The following RIOK1 variants were observed in gnomAD, a reference collection of about 807,000 sequenced individuals.
RIOK1 encodes serine/threonine-protein kinase RIO1.
RIOK1 carries 66 observed loss-of-function variants against 73.5 expected under a neutral mutation model. The observed-to-expected ratio is 0.90, with a 90% CI of 0.74 to 1.10. RIOK1 has a LOEUF of 1.10. RIOK1 is among the 50% of genes least tolerant of loss of function. The pLI is 0.00. For missense variants in RIOK1, 658 were observed against 699.8 expected, an observed-to-expected ratio of 0.94 and a Z score of 0.67; for synonymous variants, 224 against 226.8, an observed-to-expected ratio of 0.99 and a Z score of 0.11.
At chr6:7,403,207 G>C (rs900159742) in intron 8 of RIOK1, among the ~76,000 whole-genome samples, 2 of 152,166 alleles carry the variant, frequency 1.3e-5, no homozygotes, top group Non-Finnish European at 2.9e-5. Context: ...TTATACTGAG[G>C]ATAATAAGGA....
rs1308513867 is a variant in RIOK1, at chr6:7,405,239, C to G, written c.1097-10C>G. 4 of 1,572,780 alleles carry G rather than the reference C, an allele frequency of 2.5e-6. No individual in the cohort carries two copies. The highest frequency in any genetic ancestry group is 3.5e-6 in the Non-Finnish European group (4 of 1,144,894). ...ATAAAAGCTGTCATTAACGTTTTTCCTTCTGACAGATTTCTTTATGAGGCA... is the reference window on the plus strand; with the variant it reads ...ATAAAAGCTGTCATTAACGTTTTTCGTTCTGACAGATTTCTTTATGAGGCA... On this transcript the variant is annotated splice_polypyrimidine_tract_variant and intron_variant, in intron 11 of 16. Transcript: ENST00000379834.
intron 16 of RIOK1, among the ~76,000 whole-genome samples, chr6:7,416,306 T>C (rs1195687819): frequency 6.6e-6 from 1 of 152,220 alleles, no homozygotes; most frequent in African/African-American, 2.4e-5. Flanking sequence ...TTGCAAACAT[T>C]TAATAACATT....
intron 5 of RIOK1, among the ~76,000 whole-genome samples, chr6:7,400,397 C>G (rs180790174): frequency 5.3e-5 from 8 of 152,280 alleles, no homozygotes; most frequent in Admixed American, 5.2e-4. Context: ...TTACAGCTGC[C>G]TGTCCACGAC....
intron 16 of RIOK1, among the ~76,000 whole-genome samples, chr6:7,416,497 A>G (rs970335138): frequency 2.0e-5 from 3 of 151,994 alleles, no homozygotes; most frequent in Admixed American, 6.6e-5. Context: ...AAATACAAAA[A>G]ATTAGCCGGG....
At chr6:7,411,299 A>C (rs770157579) in intron 13 of RIOK1, 33 bp from the exon 14 acceptor site, 3 of 1,610,412 alleles carry the variant, frequency 1.9e-6, no homozygotes, top group Non-Finnish European at 2.5e-6. Context: ...GTGTATGAAT[A>C]ACAGTTTTGA....
chr6:7,410,414 A>G lies in RIOK1; in HGVS notation c.1232A>G (p.Lys411Arg), dbSNP rs773604626. ...KAMEIASQRT[K>R]EERSSQDHVD... Reference sequence around the variant, plus strand: ...ATGGAAATAGCATCTCAAAGGACCAAGGAAGAACGGTCTAGCCAAGATCAT... The same window carrying G: ...ATGGAAATAGCATCTCAAAGGACCAGGGAAGAACGGTCTAGCCAAGATCAT... The change falls in exon 13 of 17, where the codon AAG (lysine) becomes AGG (arginine). Residue 411 changes from lysine (K) to arginine (R), a missense_variant. By Grantham distance (26) the Lys-to-Arg change is conservative. Transcript: ENST00000379834. 2 of 1,613,258 alleles carry G rather than the reference A, an allele frequency of 1.2e-6. No homozygotes were observed. Among genetic ancestry groups the G allele is most frequent in the Non-Finnish European group, 1.7e-6 (2 of 1,179,238 alleles).
intron 5 of RIOK1, among the ~76,000 whole-genome samples, chr6:7,400,532 T>C (rs1761586290): frequency 6.6e-6 from 1 of 152,238 alleles, no homozygotes; most frequent in Non-Finnish European, 1.5e-5. Flanking sequence ...CTTTTTATAT[T>C]GATACAGGTT....
chr6:7,409,546 C>A (rs1761835540), intron 12 of RIOK1, among the ~76,000 whole-genome samples: 1 of 151,966 alleles, frequency 6.6e-6, no homozygotes, highest in South Asian at 2.1e-4. Context: ...GCCTCAGCCT[C>A]CCAAAGTGCT....
intron 16 of RIOK1, among the ~76,000 whole-genome samples, chr6:7,415,772 A>C (rs1029849836): frequency 6.6e-6 from 1 of 152,178 alleles, no homozygotes; most frequent in Non-Finnish European, 1.5e-5. Flanking sequence ...AAATAGAAAA[A>C]TTACCAGAGA....
At chr6:7,390,289 G>A (rs1191332652) in intron 1 of RIOK1, among the ~76,000 whole-genome samples, 1 of 152,198 alleles carries the variant, frequency 6.6e-6, no homozygotes, top group Non-Finnish European at 1.5e-5. Context: ...GGGAGTCTGC[G>A]GTTCTCAGGT....
Position 7,417,438 on chromosome 6 carries a change from A to G in RIOK1, c.1704A>G (p.Lys568=). 1 of 1,519,930 alleles carries G rather than the reference A, an allele frequency of 6.6e-7. No homozygotes were observed. Among genetic ancestry groups the G allele is most frequent in the Non-Finnish European group, 8.9e-7 (1 of 1,124,924 alleles). The allele number at this position is 1,519,930 out of a possible 1,614,324, so 94.2% of individuals were successfully genotyped here. A position where few individuals can be genotyped will look rare whatever the true frequency, so the allele number is the denominator to read the frequency against. ...AGACAGCCAAGACGAAAAAAGGCAA[A>G]TAGAATGAGAACCATATTATGTACA... is the stretch of plus-strand genomic sequence containing the variant. ...KEKTAKTKKG[K] The change falls in exon 17 of 17, where the codon AAA becomes AAG. Residue 568 remains lysine (K), a synonymous_variant. Transcript: ENST00000379834.
chr6:7,392,980 T>C (rs1468683080), intron 1 of RIOK1, 119 bp from the exon 2 acceptor site: 4 of 1,294,608 alleles, frequency 3.1e-6, no homozygotes, highest in Non-Finnish European at 4.0e-6. Flanking sequence ...GTGTATTTTA[T>C]ATAAATATAT....
chr6:7,394,959 G>A, intron 2 of RIOK1, 94 bp from the exon 3 acceptor site: 1 of 1,547,626 alleles, frequency 6.5e-7, no homozygotes, highest in Admixed American at 1.9e-5. Flanking sequence ...AAGTATTGAT[G>A]CTTTAATAGC....
intron 1 of RIOK1, among the ~76,000 whole-genome samples, chr6:7,392,709 T>C (rs1159412322): frequency 6.6e-6 from 1 of 152,062 alleles, no homozygotes; most frequent in Admixed American, 6.6e-5. Flanking sequence ...TTTTTTCTTG[T>C]TTTACAGAAA....
rs565385286 is a variant in RIOK1 at position 7,401,068 on chromosome 6, T to A, written c.573+18T>A. The A allele has an allele frequency of 2.7e-6, 4 of 1,469,374 alleles. No homozygotes were observed. In the South Asian group the frequency reaches 4.7e-5, roughly 17 times the overall value. The allele number at this position is 1,469,374 out of a possible 1,614,324, so 91.0% of individuals were successfully genotyped here. A position where few individuals can be genotyped will look rare whatever the true frequency, so the allele number is the denominator to read the frequency against. ...GAAAAGAAGTGAGCTCTTCTTTGGATGATTGGATATTTAATTTTCTTATTT... is the reference window on the plus strand; with the variant it reads ...GAAAAGAAGTGAGCTCTTCTTTGGAAGATTGGATATTTAATTTTCTTATTT... On this transcript the variant is annotated intron_variant, in intron 6 of 16. Coordinates refer to ENST00000379834, the MANE Select transcript of RIOK1 (RefSeq NM_031480.3).
intron 12 of RIOK1, among the ~76,000 whole-genome samples, chr6:7,408,696 A>G (rs1011926119): frequency 4.6e-5 from 7 of 151,072 alleles, no homozygotes; most frequent in African/African-American, 1.7e-4. Flanking sequence ...TCAACTTTTT[A>G]ACTTAGCACT....
At chr6:7,390,121 ACCGCCC>A (rs1761291721) in intron 1 of RIOK1, 48 bp downstream of exon 1, 1 of 1,504,512 alleles carries the variant, frequency 6.6e-7, no homozygotes, top group Non-Finnish European at 9.0e-7. Flanking sequence ...TCTCTCCTTG[ACCGCCC>A]CCTTGGGGTG....
intron 15 of RIOK1, 36 bp downstream of exon 15, chr6:7,412,978 A>G (rs754583801): frequency 7.9e-7 from 1 of 1,264,290 alleles, no homozygotes; most frequent in Non-Finnish European, 1.1e-6. Flanking sequence ...GTTTATGTGA[A>G]AACAGTTTTA....
intron 1 of RIOK1, 37 bp downstream of exon 1, chr6:7,390,110 C>T (rs760181475): frequency 6.5e-7 from 1 of 1,537,134 alleles, no homozygotes; most frequent in Non-Finnish European, 8.8e-7. Flanking sequence ...CTGGGTACGG[C>T]TCTCTCCTTG....
Sources: gnomAD v4.1 joint callset for allele counts (sites outside exome capture counted in the v4.1 genomes callset) on GRCh38, gnomAD v4.1.1 for gene constraint, MANE v1.5 for transcripts, NCBI Gene and HGNC (gene_info 2026-07-23, HGNC 2026-07-21) for gene names.